The following AQR variants were observed in gnomAD, a reference collection of about 807,000 sequenced individuals.
AQR encodes the protein RNA helicase aquarius.
Under a neutral mutation model 180.5 loss-of-function variants are expected in AQR, and 61 were observed. The observed-to-expected ratio is 0.34, with a 90% CI of 0.28 to 0.42. The LOEUF (loss-of-function observed/expected upper bound fraction) is 0.42, where lower values mean the gene tolerates loss of function less well. Ranked by LOEUF, AQR falls within the 10% of genes least tolerant of loss-of-function variation. The pLI, the probability that AQR is intolerant of heterozygous loss-of-function variation, is 1.00. For missense variants in AQR, 1,281 were observed against 1,798.3 expected (o/e 0.71, Z 5.20); for synonymous variants, 551 against 588.8 (o/e 0.94, Z 0.93).
chr15:34,863,915 T>C (rs1264291319), intron 32 of AQR, among the ~76,000 whole-genome samples: 1 of 152,192 alleles, frequency 6.6e-6, no homozygotes, highest in Non-Finnish European at 1.5e-5. Context: ...GAGATGTTTT[T>C]AGATGGCTAT....
chr15:34,908,238 C>T (rs533573184), intron 17 of AQR, among the ~76,000 whole-genome samples: 20 of 152,236 alleles, frequency 1.3e-4, no homozygotes, highest in Middle Eastern at 3.4e-3. Flanking sequence ...GATCACAAGA[C>T]CAGCCTGGCC....
At chr15:34,907,243 A>G (rs1893432147) in intron 17 of AQR, among the ~76,000 whole-genome samples, 1 of 152,250 alleles carries the variant, frequency 6.6e-6, no homozygotes, top group Admixed American at 6.5e-5. Flanking sequence ...CTGAATATAT[A>G]CAGTTTCAGT....
At chr15:34,871,386 A>G (rs1892814151) in intron 30 of AQR, among the ~76,000 whole-genome samples, 2 of 151,718 alleles carry the variant, frequency 1.3e-5, no homozygotes, top group African/African-American at 4.8e-5. Context: ...GCATGCCTAT[A>G]GTCTCAGCTA....
At chr15:34,941,530 GAA>G (rs980979817) in intron 7 of AQR, among the ~76,000 whole-genome samples, 2 of 152,110 alleles carry the variant, frequency 1.3e-5, no homozygotes, top group Non-Finnish European at 2.9e-5. Flanking sequence ...TGCAGGAAGG[GAA>G]ATTCTGAATA....
chr15:34,897,772 A>C, intron 20 of AQR, 67 bp from the exon 21 acceptor site: 1 of 1,503,264 alleles, frequency 6.7e-7, no homozygotes, highest in South Asian at 1.2e-5. Context: ...TATCTGGTGC[A>C]TGACATTGTA....
chr15:34,857,691 C>A (rs947627196), intron 34 of AQR, among the ~76,000 whole-genome samples: 3 of 151,978 alleles, frequency 2.0e-5, no homozygotes, highest in Non-Finnish European at 2.9e-5. Context: ...TTGGAGGTTG[C>A]AGTGAGTTGA....
At chr15:34,863,087 C>A (rs1595779588) in intron 32 of AQR, 46 bp from the exon 33 acceptor site, 2 of 1,498,628 alleles carry the variant, frequency 1.3e-6, no homozygotes, top group Admixed American at 2.1e-5. Context: ...AGATTATTAA[C>A]ATTTAAGCAG....
chr15:34,944,941 C>A (rs1043294432), intron 5 of AQR, among the ~76,000 whole-genome samples: 1 of 152,186 alleles, frequency 6.6e-6, no homozygotes, highest in Non-Finnish European at 1.5e-5. Context: ...ATGCTCCAAG[C>A]GTGTGGTCTA....
At position 34,932,451 on chromosome 15, in the gene AQR, T is replaced by A. The variant is rs74008005; in HGVS notation, c.784-17A>T. On this transcript the variant is annotated splice_polypyrimidine_tract_variant and intron_variant, in intron 10 of 34. Coordinates refer to ENST00000156471, the MANE Select transcript of AQR (RefSeq NM_014691.3). ...TAGCAGGGCCTGGGAAAAACAAACA[T>A]CATAACAGTAAGTTTGCATCTATTC... The A allele has an allele frequency of 6.6e-7, 1 of 1,516,380 alleles. No individual in the cohort carries two copies. The highest frequency in any genetic ancestry group is 2.3e-5 in the East Asian group (1 of 44,028). The allele number at this position is 1,516,380 out of a possible 1,614,324, so 93.9% of individuals were successfully genotyped here. A position where few individuals can be genotyped will look rare whatever the true frequency, so the allele number is the denominator to read the frequency against.
At chr15:34,859,948 C>A in intron 34 of AQR, 94 bp downstream of exon 34, 3 of 527,940 alleles carry the variant, frequency 5.7e-6, no homozygotes, top group Non-Finnish European at 9.1e-6. Context: ...TAGCTGATTT[C>A]CCACAAGGAA....
Position 34,895,159 on chromosome 15 carries a change from C to CA in AQR, c.2461-1387dup, listed in dbSNP as rs397853998. ...CCTGGGCTAAAAAGTAAGACTGTCT[C>CA]AAAAAAAAAAAAAAAAAAAAAAAAA... On this transcript the variant is annotated intron_variant, in intron 22 of 34. Coordinates refer to ENST00000156471, the MANE Select transcript of AQR (RefSeq NM_014691.3). Among the ~76,000 whole-genome samples, 4 of 2,456 alleles carry CA rather than the reference C, an allele frequency of 1.6e-3. 2 individuals carry two copies. The highest frequency in any genetic ancestry group is 2.7e-3 in the African/African-American group (4 of 1,474). The allele number at this position is 2,456 out of a possible 152,430, so 1.6% of individuals were successfully genotyped here.
chr15:34,903,448 G>C (rs1057360738), intron 19 of AQR, among the ~76,000 whole-genome samples: 4 of 152,130 alleles, frequency 2.6e-5, no homozygotes, highest in Non-Finnish European at 2.9e-5. Context: ...AGGGATATGA[G>C]AGATAAAGGT....
intron 34 of AQR, among the ~76,000 whole-genome samples, chr15:34,858,010 G>A (rs1399999947): frequency 6.6e-6 from 1 of 152,086 alleles, no homozygotes; most frequent in Non-Finnish European, 1.5e-5. Flanking sequence ...CTGAGACAGA[G>A]TCCCACTCTG....
At chr15:34,933,545 A>G (rs929792357) in intron 10 of AQR, among the ~76,000 whole-genome samples, 2 of 152,182 alleles carry the variant, frequency 1.3e-5, no homozygotes, top group South Asian at 4.1e-4. Flanking sequence ...CATTTAGAAA[A>G]GTGAGATTAT....
intron 6 of AQR, 68 bp downstream of exon 6, chr15:34,944,220 T>C: frequency 4.9e-6 from 7 of 1,430,102 alleles, no homozygotes; most frequent in Non-Finnish European, 6.6e-6. Flanking sequence ...CAGAGGTAAT[T>C]TCATCTAAAC....
rs1300681075 is a variant in AQR at position 34,852,808 on chromosome 15, A to T, written c.*3984T>A. The T allele has an allele frequency of 1.3e-5, 2 of 152,214 alleles. No homozygotes were observed. Among genetic ancestry groups the T allele is most frequent in the Non-Finnish European group, 2.9e-5 (2 of 68,038 alleles). 9.4% of individuals were successfully genotyped at this position (152,214 alleles called of 1,614,324 possible). On this transcript the variant is annotated 3_prime_UTR_variant, in exon 35 of 35. Coordinates refer to ENST00000156471, the MANE Select transcript of AQR (RefSeq NM_014691.3). ...TTTCTGTAATATATGATGAAAAATA[A>T]TCGTATCGGCCATCTTTGTACATAA...
chr15:34,938,488 A>G (rs1443383654), intron 9 of AQR, among the ~76,000 whole-genome samples: 2 of 152,084 alleles, frequency 1.3e-5, no homozygotes, highest in Non-Finnish European at 2.9e-5. Flanking sequence ...AGCCGAGATC[A>G]TGCCACTGCA....
intron 11 of AQR, among the ~76,000 whole-genome samples, chr15:34,931,464 G>T (rs114696651): frequency 0.018 from 2,754 of 152,234 alleles, 74 homozygotes; most frequent in African/African-American, 0.058. Context: ...TACCAAAATT[G>T]TATCTCTAAC....
rs1466043181 is a variant in AQR at position 34,856,903 on chromosome 15, T to C, written c.4347A>G (p.Glu1449=). 6.2e-7 allele frequency: 1 copy of C among 1,614,050 alleles called. No homozygotes were observed. The highest frequency in any genetic ancestry group is 2.2e-5 in the East Asian group (1 of 44,882). Reference sequence around the variant, plus strand: ...TGGTCTCAGATAAAGCAGGGATGGCTTCTGGAGTGGAAGTGGCTCCTGTCT... The same window carrying C: ...TGGTCTCAGATAAAGCAGGGATGGCCTCTGGAGTGGAAGTGGCTCCTGTCT... ...PSETGATSTP[E]AIPALSETTP... Residue 1449 remains glutamate (E), a synonymous_variant, in exon 35 of 35, where the codon GAA becomes GAG. Transcript: ENST00000156471.
Sources: allele counts gnomAD v4.1 joint callset (sites outside exome capture counted in the v4.1 genomes callset), GRCh38; gene constraint gnomAD v4.1.1; transcripts MANE v1.5; gene names NCBI Gene and HGNC (gene_info 2026-07-23, HGNC 2026-07-21).